The following KCNT2 variants were observed in gnomAD, a reference collection of about 807,000 sequenced individuals.
The protein encoded by KCNT2 is potassium channel subfamily T member 2.
Under a neutral mutation model 153.8 loss-of-function variants are expected in KCNT2, and 67 were observed. The observed-to-expected ratio is 0.44, with a 90% CI of 0.36 to 0.53. The LOEUF is 0.53. Ranked by LOEUF, KCNT2 falls within the 20% of genes least tolerant of loss-of-function variation. The pLI is 0.00. For synonymous variants in KCNT2, 500 were observed against 458.8 expected (o/e 1.09, Z -1.15); for missense variants, 975 against 1,354.8 (o/e 0.72, Z 4.40).
At chr1:196,301,166 C>T (rs947945253) in intron 22 of KCNT2, among the ~76,000 whole-genome samples, 4 of 152,134 alleles carry the variant, frequency 2.6e-5, no homozygotes, top group Admixed American at 1.3e-4. Context: ...TGGGCCCAAC[C>T]GATTTTGTCC....
At chr1:196,561,873 G>A (rs1659460164) in intron 1 of KCNT2, among the ~76,000 whole-genome samples, 1 of 151,716 alleles carries the variant, frequency 6.6e-6, no homozygotes, top group Admixed American at 6.6e-5. Context: ...AGGGAGTAAA[G>A]GAGGAGTCTC....
chr1:196,399,089 C>CT (rs1671193254), intron 12 of KCNT2, among the ~76,000 whole-genome samples: 1 of 99,768 alleles, frequency 1.0e-5, no homozygotes, highest in South Asian at 3.7e-4. Flanking sequence ...TAATTTTGAC[C>CT]TGTGTGTATG....
At chr1:196,564,880 A>C (rs1047276716) in intron 1 of KCNT2, among the ~76,000 whole-genome samples, 8 of 151,952 alleles carry the variant, frequency 5.3e-5, no homozygotes, top group Non-Finnish European at 8.9e-5. Context: ...TAATAGATGA[A>C]AACATAGGAG....
At chr1:196,350,159 A>G (rs1666533044) in intron 14 of KCNT2, among the ~76,000 whole-genome samples, 1 of 152,180 alleles carries the variant, frequency 6.6e-6, no homozygotes, top group African/African-American at 2.4e-5. Flanking sequence ...TAGAGCCGCA[A>G]TAAACATACG....
intron 8 of KCNT2, among the ~76,000 whole-genome samples, chr1:196,448,475 TCTAA>T (rs1027508147): frequency 6.6e-5 from 10 of 151,686 alleles, no homozygotes; most frequent in African/African-American, 2.4e-4. Context: ...TTTGTTTTTC[TCTAA>T]CTATGTATTT....
At chr1:196,306,870 T>A (rs1661685258) in intron 21 of KCNT2, among the ~76,000 whole-genome samples, 1 of 152,072 alleles carries the variant, frequency 6.6e-6, no homozygotes, top group South Asian at 2.1e-4. Flanking sequence ...TGAAATCTTT[T>A]AATAAAATTC....
chr1:196,518,046 T>C (rs1365467536), intron 1 of KCNT2, among the ~76,000 whole-genome samples: 1 of 152,280 alleles, frequency 6.6e-6, no homozygotes, highest in Admixed American at 6.5e-5. Flanking sequence ...GGAAACCCCA[T>C]GAGGCTAACA....
Position 196,570,067 on chromosome 1 carries a change from T to TAAAAAAAAAAAAA in KCNT2, c.95+38135_95+38147dup, listed in dbSNP as rs199836975. Among the ~76,000 whole-genome samples the TAAAAAAAAAAAAA allele has an allele frequency of 1.4e-3, 186 of 133,688 alleles. 3 individuals are homozygous for TAAAAAAAAAAAAA. Among genetic ancestry groups the TAAAAAAAAAAAAA allele is most frequent in the African/African-American group, 6.0e-3 (165 of 27,516 alleles). The allele number at this position is 133,688 out of a possible 152,430, so 87.7% of individuals were successfully genotyped here. A position where few individuals can be genotyped will look rare whatever the true frequency, so the allele number is the denominator to read the frequency against. On this transcript the variant is annotated intron_variant, in intron 1 of 27. Transcript: ENST00000294725. The stretch of plus-strand genomic sequence containing the variant: ...TGAGTCCAGGAAGCTTGAGCTAGAG[T>TAAAAAAAAAAAAA]AAAAAAAAAAAAAAAAAAAAAAAAA...
chr1:196,531,067 C>T (rs1384807288), intron 1 of KCNT2, among the ~76,000 whole-genome samples: 2 of 152,034 alleles, frequency 1.3e-5, no homozygotes, highest in Non-Finnish European at 2.9e-5. Flanking sequence ...TATCACTGCC[C>T]GGAGATGAAC....
intron 1 of KCNT2, among the ~76,000 whole-genome samples, chr1:196,576,217 G>A (rs556154188): frequency 1.1e-4 from 16 of 151,856 alleles, no homozygotes; most frequent in Admixed American, 2.0e-4. Context: ...CTCAAGGCTA[G>A]TAAACATAAA....
Position 196,316,007 on chromosome 1 carries a change from A to G in KCNT2, c.2368T>C (p.Cys790Arg). Residue 790 changes from cysteine to arginine, a missense_variant, in exon 21 of 28, where the codon TGT (cysteine) becomes CGT (arginine). This residue lies in a region of KCNT2 where 66 missense variants were observed against 147.9 expected (regional missense o/e 0.45). Transcript: ENST00000294725. ...ATATTAGCAGCAAAAGTCACTCCAC[A>G]CCTGAGTAAGTCATCTAGGCTTTGA... ...SIDNLDDLLRCGVTFAANMVV... is the reference protein window; with the variant it reads ...SIDNLDDLLRRGVTFAANMVV... 6.2e-7 allele frequency: 1 copy of G among 1,610,186 alleles called. No homozygotes were observed. Among genetic ancestry groups the G allele is most frequent in the Non-Finnish European group, 8.5e-7 (1 of 1,177,696 alleles).
intron 21 of KCNT2, among the ~76,000 whole-genome samples, 173 bp from the exon 22 acceptor site, chr1:196,305,518 T>C (rs1250925450): frequency 6.6e-6 from 1 of 152,138 alleles, no homozygotes; most frequent in Non-Finnish European, 1.5e-5. Flanking sequence ...TGAAACACTA[T>C]TTCCCGAAGA....
intron 14 of KCNT2, among the ~76,000 whole-genome samples, chr1:196,343,404 T>C (rs1665853956): frequency 6.6e-6 from 1 of 152,300 alleles, no homozygotes; most frequent in Admixed American, 6.5e-5. Flanking sequence ...ATAACACTTA[T>C]GAACTCTACA....
At chr1:196,272,082 C>T (rs2147833192) in intron 25 of KCNT2, among the ~76,000 whole-genome samples, 1 of 151,982 alleles carries the variant, frequency 6.6e-6, no homozygotes, top group East Asian at 1.9e-4. Flanking sequence ...CTACATATAG[C>T]CAAAGTTCAG....
At chr1:196,573,127 G>C (rs1163964173) in intron 1 of KCNT2, among the ~76,000 whole-genome samples, 1 of 152,070 alleles carries the variant, frequency 6.6e-6, no homozygotes, top group Admixed American at 6.6e-5. Flanking sequence ...CAGAAATTTA[G>C]TGTATTATAT....
chr1:196,292,633 C>G (rs1049012579), intron 22 of KCNT2, among the ~76,000 whole-genome samples: 3 of 151,928 alleles, frequency 2.0e-5, no homozygotes, highest in Admixed American at 2.0e-4. Context: ...GGTGAAACCC[C>G]GTCTCTACTG....
At chr1:196,257,471 T>C in intron 26 of KCNT2, 15 of 977,350 alleles carry the variant, frequency 1.5e-5, no homozygotes, top group Non-Finnish European at 1.8e-5. Context: ...TACATATTTA[T>C]ATACGTAAAA....
intron 14 of KCNT2, among the ~76,000 whole-genome samples, chr1:196,359,601 T>C (rs1667455691): frequency 6.6e-6 from 1 of 151,980 alleles, no homozygotes; most frequent in African/African-American, 2.4e-5. Context: ...ATATGTTCTC[T>C]ATATTGAATG....
At chr1:196,264,614 T>TA (rs1446890995) in intron 25 of KCNT2, among the ~76,000 whole-genome samples, 1 of 151,818 alleles carries the variant, frequency 6.6e-6, no homozygotes, top group Admixed American at 6.6e-5. Flanking sequence ...AATATATATA[T>TA]TTTTTTAATT....
Sources: allele counts gnomAD v4.1 joint callset (sites outside exome capture counted in the v4.1 genomes callset), GRCh38; gene constraint gnomAD v4.1.1; regional missense constraint gnomAD v4.1.1; transcripts MANE v1.5; gene names NCBI Gene and HGNC (gene_info 2026-07-23, HGNC 2026-07-21).